Variants in RP1 observed in about 807,000 individuals in gnomAD.
RP1 encodes the protein RP1 axonemal microtubule associated, also known as oxygen-regulated protein 1.
Under a neutral mutation model 14.8 loss-of-function variants are expected in RP1, and 16 were observed. The ratio of observed to expected loss-of-function variants is 1.08; its 90% CI spans 0.73 to 1.65. RP1 has a LOEUF of 1.65. RP1 is among the 40% of genes most tolerant of loss of function. The pLI, the probability that RP1 is intolerant of heterozygous loss-of-function variation, is 0.00. For synonymous variants in RP1, 876 were observed against 883.6 expected (o/e 0.99, Z 0.15); for missense variants, 2,631 against 2,535.0 (o/e 1.04, Z -0.81).
At position 54,625,344 on chromosome 8, in the gene RP1, G is replaced by A; in HGVS notation, c.1462G>A (p.Glu488Lys). 1 of 1,614,172 alleles carries A rather than the reference G, an allele frequency of 6.2e-7. No individual in the cohort carries two copies. Among genetic ancestry groups the A allele is most frequent in the Non-Finnish European group, 8.5e-7 (1 of 1,180,034 alleles). Residue 488 changes from glutamate to lysine, a missense_variant, in exon 4 of 4, where the codon GAA (glutamate) becomes AAA (lysine). Physicochemically the swap from Glu to Lys is moderately conservative, Grantham distance 56. Transcript: ENST00000220676. Reference protein sequence around the residue: ...KMIGQFSYSEERESGENKSEY... With the variant: ...KMIGQFSYSEKRESGENKSEY... ...GATTGGACAGTTTTCATATAGTGAA[G>A]AAAGGGAAAGTGGGGAAAACAAGTC...
At chr8:54,634,835 A>G (rs1286926887), downstream of RP1, among the ~76,000 whole-genome samples, 1 of 152,206 alleles carries the variant, frequency 6.6e-6, no homozygotes, top group Non-Finnish European at 1.5e-5. Context: ...TAATCCCAGC[A>G]CTTTGGGAGG....
chr8:54,756,787 T>C (rs1441905933), intron 21 of RP1, among the ~76,000 whole-genome samples: 1 of 152,224 alleles, frequency 6.6e-6, no homozygotes, highest in Non-Finnish European at 1.5e-5. Flanking sequence ...GGCTGCCTGC[T>C]AGTTGGCTGC....
chr8:54,828,000 C>T (rs1370913980), intron 24 of RP1, among the ~76,000 whole-genome samples: 1 of 152,072 alleles, frequency 6.6e-6, no homozygotes, highest in Admixed American at 6.5e-5. Flanking sequence ...GGGTCAGGAC[C>T]ATGAATATCA....
At chr8:54,562,507 C>T (rs1804308118) in intron 1 of RP1, among the ~76,000 whole-genome samples, 1 of 151,978 alleles carries the variant, frequency 6.6e-6, no homozygotes, top group Admixed American at 6.6e-5. Context: ...AACCCTGTTG[C>T]TACTAAAAAT....
At chr8:54,859,651 G>A (rs1812296989) in intron 27 of RP1, among the ~76,000 whole-genome samples, 1 of 151,950 alleles carries the variant, frequency 6.6e-6, no homozygotes, top group Admixed American at 6.6e-5. Context: ...TGTCACTGTA[G>A]ACGGGTGTCA....
intron 24 of RP1, among the ~76,000 whole-genome samples, chr8:54,807,339 C>T (rs78481680): frequency 0.028 from 4,312 of 152,140 alleles, 118 homozygotes; most frequent in African/African-American, 0.063. Context: ...TTTTATTTTC[C>T]TTTTTTTAGT....
chr8:54,711,760 A>G (rs1808297868), intron 15 of RP1, among the ~76,000 whole-genome samples: 1 of 152,140 alleles, frequency 6.6e-6, no homozygotes, highest in South Asian at 2.1e-4. Flanking sequence ...AATGATTGTA[A>G]ATGTAGGAGA....
chr8:54,641,817 C>T (rs912465172), intron 3 of RP1, among the ~76,000 whole-genome samples: 11 of 152,146 alleles, frequency 7.2e-5, no homozygotes, highest in Admixed American at 2.0e-4. Context: ...CTCCTAAAGG[C>T]CATGTGAGGA....
chr8:54,606,658 T>C (rs1805453204), intron 1 of RP1, among the ~76,000 whole-genome samples: 1 of 152,236 alleles, frequency 6.6e-6, no homozygotes, highest in Non-Finnish European at 1.5e-5. Flanking sequence ...GGTTGCACTC[T>C]CCTCATCACT....
intron 1 of RP1, among the ~76,000 whole-genome samples, chr8:54,571,363 T>A (rs1413897091): frequency 2.0e-5 from 3 of 151,664 alleles, no homozygotes; most frequent in African/African-American, 7.3e-5. Context: ...TGGCAGGGAC[T>A]GTGTCTTCCT....
At chr8:54,674,731 TG>T (rs1563344269) in intron 8 of RP1, among the ~76,000 whole-genome samples, 1 of 133,560 alleles carries the variant, frequency 7.5e-6, no homozygotes, top group Non-Finnish European at 1.8e-5. Flanking sequence ...TTATAATCCA[TG>T]AAAAAAAAAT....
intron 15 of RP1, among the ~76,000 whole-genome samples, chr8:54,714,186 AAAGTGCTGGGATT>A (rs1808351705): frequency 6.6e-6 from 1 of 152,204 alleles, no homozygotes; most frequent in African/African-American, 2.4e-5. Context: ...TCAGCCTCCC[AAAGTGCTGGGATT>A]ACAGGCGTGA....
chr8:54,726,686 A>C (rs1254538554), intron 17 of RP1, among the ~76,000 whole-genome samples: 2 of 151,980 alleles, frequency 1.3e-5, no homozygotes, highest in African/African-American at 4.8e-5. Context: ...CTTTGTCTTA[A>C]ATTTAATGTT....
chr8:54,762,458 T>C (rs888002504), intron 22 of RP1, among the ~76,000 whole-genome samples: 2 of 152,220 alleles, frequency 1.3e-5, no homozygotes, highest in African/African-American at 4.8e-5. Flanking sequence ...TTTATTTCTA[T>C]GCCTGAAGGT....
At chr8:54,812,685 A>G (rs1811027830) in intron 24 of RP1, among the ~76,000 whole-genome samples, 1 of 152,188 alleles carries the variant, frequency 6.6e-6, no homozygotes, top group African/African-American at 2.4e-5. Flanking sequence ...TCTCAGGCAT[A>G]ACAGCAGATT....
chr8:54,609,577 C>G (rs1805543372), intron 1 of RP1, among the ~76,000 whole-genome samples: 1 of 152,180 alleles, frequency 6.6e-6, no homozygotes, highest in Non-Finnish European at 1.5e-5. Flanking sequence ...CCCCACAAGC[C>G]TACTATACCT....
chr8:54,571,527 G>A (rs1166143705), intron 1 of RP1, among the ~76,000 whole-genome samples: 3 of 152,210 alleles, frequency 2.0e-5, no homozygotes, highest in African/African-American at 4.8e-5. Context: ...GTCCTGTATG[G>A]CAGCATGGAT....
intron 27 of RP1, among the ~76,000 whole-genome samples, chr8:54,863,044 G>GATATATATATATATATATATATAT (rs61233765): frequency 9.8e-6 from 1 of 101,834 alleles, no homozygotes; most frequent in Non-Finnish European, 1.9e-5. Context: ...ATTCCAAATG[G>GATATATATATATATATATATATAT]ATATATATAT....
At chr8:54,693,864 G>A (rs1417482822) in intron 12 of RP1, among the ~76,000 whole-genome samples, 1 of 152,076 alleles carries the variant, frequency 6.6e-6, no homozygotes, top group Non-Finnish European at 1.5e-5. Flanking sequence ...TGTTGAATAG[G>A]AGTGGTGAGA....
Sources: allele counts gnomAD v4.1 joint callset (sites outside exome capture counted in the v4.1 genomes callset), GRCh38; gene constraint gnomAD v4.1.1; transcripts MANE v1.5; gene names NCBI Gene and HGNC (gene_info 2026-07-23, HGNC 2026-07-21).